RANBP2: variants seen among roughly 807,000 people sequenced by gnomAD.
RANBP2 encodes E3 SUMO-protein ligase RanBP2.
RANBP2 carries 57 observed loss-of-function variants against 303.6 expected under a neutral mutation model. The ratio of observed to expected loss-of-function variants is 0.19; its 90% CI spans 0.15 to 0.23. The LOEUF (loss-of-function observed/expected upper bound fraction) is 0.23, where lower values mean the gene tolerates loss of function less well. Among genes scored for constraint, RANBP2 ranks in the 10% least tolerant of loss-of-function variants. RANBP2 has a pLI of 1.00. For missense variants in RANBP2, 3,138 were observed against 3,780.8 expected, an observed-to-expected ratio of 0.83 and a Z score of 4.46; for synonymous variants, 1,167 against 1,301.5, an observed-to-expected ratio of 0.90 and a Z score of 2.23.
At chr2:108,945,125 G>A in the RANBP2 span, among the ~76,000 whole-genome samples, 1 of 152,136 alleles carries the variant, frequency 6.6e-6, no homozygotes, top group African/African-American at 2.4e-5. Context: ...CTGTCCGTGA[G>A]GCAGCTCAGG....
At chr2:109,489,037 TC>T in the RANBP2 span, among the ~76,000 whole-genome samples, 7 of 152,094 alleles carry the variant, frequency 4.6e-5, no homozygotes, top group Non-Finnish European at 1.0e-4. Context: ...CCAGGATGAG[TC>T]CAGCCTTGGA....
At chr2:109,149,258 T>A in the RANBP2 span, among the ~76,000 whole-genome samples, 1 of 152,202 alleles carries the variant, frequency 6.6e-6, no homozygotes, top group East Asian at 1.9e-4. Flanking sequence ...AAGAATGTTC[T>A]ATGGCCCCCC....
chr2:109,410,296 G>C, the RANBP2 span, among the ~76,000 whole-genome samples: 1 of 152,238 alleles, frequency 6.6e-6, no homozygotes, highest in Non-Finnish European at 1.5e-5. Flanking sequence ...CTCCAGCGCT[G>C]TGTGCCATTC....
the RANBP2 span, among the ~76,000 whole-genome samples, chr2:109,199,587 T>TTAACA: frequency 1.0e-3 from 1 of 978 alleles, no homozygotes; most frequent in South Asian, 0.062. Context: ...TGGAATGGAA[T>TTAACA]GGAATGGAAT....
chr2:109,249,647 C>CTCTT, the RANBP2 span, among the ~76,000 whole-genome samples: 101 of 130,864 alleles, frequency 7.7e-4, no homozygotes, highest in Middle Eastern at 7.8e-3. Flanking sequence ...CTCTGTTTCT[C>CTCTT]TCTTTCTTTC....
At chr2:108,886,437 C>T in the RANBP2 span, among the ~76,000 whole-genome samples, 7 of 151,822 alleles carry the variant, frequency 4.6e-5, no homozygotes, top group African/African-American at 9.7e-5. Flanking sequence ...TTTTTTGAGA[C>T]GGAGTCTCTC....
chr2:108,856,975 G>A, the RANBP2 span: 1 of 1,378,160 alleles, frequency 7.3e-7, no homozygotes, highest in Non-Finnish European at 9.7e-7. Flanking sequence ...AATCTAGTAA[G>A]TTTTTAAGTT....
the RANBP2 span, among the ~76,000 whole-genome samples, chr2:109,547,523 A>G: frequency 6.6e-6 from 1 of 152,166 alleles, no homozygotes; most frequent in African/African-American, 2.4e-5. Context: ...AAAGAATACA[A>G]TTCAGCAGTT....
At chr2:109,549,125 C>A in the RANBP2 span, among the ~76,000 whole-genome samples, 2 of 152,166 alleles carry the variant, frequency 1.3e-5, no homozygotes, top group Non-Finnish European at 2.9e-5. Context: ...TTAAAGGGCA[C>A]ACTCCCCAGA....
In RANBP2 at chr2:108,768,347, A is replaced by G. The variant is rs758856456; in HGVS notation, c.7808A>G (p.Glu2603Gly). The G allele has an allele frequency of 1.7e-5, 28 of 1,611,798 alleles. No homozygotes were observed. Among genetic ancestry groups the G allele is most frequent in the Admixed American group, 3.3e-5 (2 of 60,002 alleles). Reference sequence around the variant, plus strand: ...AATCTCTTTGCTTCCTTTCCAACGGAAGAATCTTCAATCAACTACACATTT... The same window carrying G: ...AATCTCTTTGCTTCCTTTCCAACGGGAGAATCTTCAATCAACTACACATTT... The part of the protein sequence containing the change: ...VKNLFASFPT[E>G]ESSINYTFKT... Residue 2603 changes from glutamate to glycine, a missense_variant, in exon 20 of 29, where the codon GAA (glutamate) becomes GGA (glycine). Transcript: ENST00000283195.
At chr2:109,114,765 C>CA in the RANBP2 span, among the ~76,000 whole-genome samples, 34 of 151,930 alleles carry the variant, frequency 2.2e-4, no homozygotes, top group Non-Finnish European at 2.4e-4. Context: ...CTCTTGTGGG[C>CA]ATTTAGTGCT....
At chr2:109,055,527 A>ATTTTCTTTTCTTTTC in the RANBP2 span, among the ~76,000 whole-genome samples, 2 of 151,108 alleles carry the variant, frequency 1.3e-5, no homozygotes, top group East Asian at 2.0e-4. Context: ...TGTCCGGCTA[A>ATTTTCTTTTCTTTTC]TTTTCTTTTC....
At chr2:109,621,323 T>A in the RANBP2 span, among the ~76,000 whole-genome samples, 2 of 151,828 alleles carry the variant, frequency 1.3e-5, no homozygotes. Context: ...CAGATAATTT[T>A]TTGTATTTTA....
At chr2:108,994,142 TC>T in the RANBP2 span, among the ~76,000 whole-genome samples, 3,598 of 152,066 alleles carry the variant, frequency 0.024, 83 homozygotes, top group African/African-American at 0.059. Context: ...TGCCCAGGAT[TC>T]CCCCCATGGA....
the RANBP2 span, among the ~76,000 whole-genome samples, chr2:109,586,838 A>G: frequency 6.6e-6 from 1 of 152,232 alleles, no homozygotes; most frequent in African/African-American, 2.4e-5. Context: ...CAGCTGAAGC[A>G]GACCTGCCTT....
chr2:109,534,141 C>T, the RANBP2 span, among the ~76,000 whole-genome samples: 2 of 152,166 alleles, frequency 1.3e-5, no homozygotes, highest in African/African-American at 2.4e-5. Flanking sequence ...TTTCTGTGGA[C>T]GAGCCTCTGC....
At chr2:109,242,147 G>A in the RANBP2 span, among the ~76,000 whole-genome samples, 3 of 152,090 alleles carry the variant, frequency 2.0e-5, no homozygotes, top group African/African-American at 7.2e-5. Flanking sequence ...GGCTCCCTGA[G>A]GAATCACTTC....
the RANBP2 span, among the ~76,000 whole-genome samples, chr2:109,146,369 A>G: frequency 6.6e-6 from 1 of 152,146 alleles, no homozygotes; most frequent in Non-Finnish European, 1.5e-5. Flanking sequence ...GCAAAAGAAT[A>G]CTAGTGACTA....
chr2:109,183,052 T>A, the RANBP2 span, among the ~76,000 whole-genome samples: 1 of 152,218 alleles, frequency 6.6e-6, no homozygotes, highest in Non-Finnish European at 1.5e-5. Context: ...TAGTCGTTTT[T>A]ATCCCAAGCC....
Sources: gnomAD v4.1 joint callset for allele counts (sites outside exome capture counted in the v4.1 genomes callset) on GRCh38, gnomAD v4.1.1 for gene constraint, MANE v1.5 for transcripts, NCBI Gene and HGNC (gene_info 2026-07-23, HGNC 2026-07-21) for gene names.